ICE1: variants seen among roughly 807,000 people sequenced by gnomAD.
ICE1 encodes the protein little elongation complex subunit 1.
ICE1 carries 64 observed loss-of-function variants against 192.7 expected under a neutral mutation model. The observed-to-expected ratio is 0.33, with a 90% CI of 0.27 to 0.41. ICE1 has a LOEUF of 0.41. Ranked by LOEUF, ICE1 falls within the 10% of genes least tolerant of loss-of-function variation. ICE1 has a pLI of 1.00. For missense variants in ICE1, 2,708 were observed against 2,696.0 expected, an observed-to-expected ratio of 1.00 and a Z score of -0.10; for synonymous variants, 1,010 against 984.5, an observed-to-expected ratio of 1.03 and a Z score of -0.49.
chr5:5,465,996 C>T (rs1417181651), intron 13 of ICE1, among the ~76,000 whole-genome samples: 1 of 152,120 alleles, frequency 6.6e-6, no homozygotes, highest in Non-Finnish European at 1.5e-5. Flanking sequence ...TATACTCACA[C>T]AGATTACATA....
At chr5:5,482,999 GT>G (rs1324422264) in intron 17 of ICE1, among the ~76,000 whole-genome samples, 5 of 151,312 alleles carry the variant, frequency 3.3e-5, no homozygotes, top group African/African-American at 9.7e-5. Flanking sequence ...TTCTTTTTTT[GT>G]TTTTTTTGAG....
intron 4 of ICE1, 22 bp downstream of exon 4, chr5:5,439,935 T>A: frequency 6.6e-7 from 1 of 1,522,928 alleles, no homozygotes; most frequent in Non-Finnish European, 8.9e-7. Flanking sequence ...TGTTTCATAG[T>A]TTATGATACC....
At chr5:5,459,265 GAGC>G (rs1457341486) in intron 12 of ICE1, among the ~76,000 whole-genome samples, 1 of 152,214 alleles carries the variant, frequency 6.6e-6, no homozygotes, top group East Asian at 1.9e-4. Context: ...GAGGTCAAAT[GAGC>G]AGCATTTGGT....
chr5:5,457,192 G>T, intron 11 of ICE1, 140 bp from the exon 12 acceptor site: 1 of 723,058 alleles, frequency 1.4e-6, no homozygotes, highest in Non-Finnish European at 2.1e-6. Context: ...GAAAGCGATT[G>T]GTTGCCTTTT....
chr5:5,434,610 T>C (rs1424084199), intron 1 of ICE1, among the ~76,000 whole-genome samples: 1 of 152,122 alleles, frequency 6.6e-6, no homozygotes, highest in African/African-American at 2.4e-5. Flanking sequence ...AACATAAAGA[T>C]AGTACTCATG....
chr5:5,434,719 CTG>C (rs1167399827), intron 1 of ICE1, among the ~76,000 whole-genome samples: 3 of 152,160 alleles, frequency 2.0e-5, no homozygotes, highest in Non-Finnish European at 4.4e-5. Flanking sequence ...AAAATTATCA[CTG>C]TGTGTGTTTT....
intron 11 of ICE1, among the ~76,000 whole-genome samples, chr5:5,456,232 CT>C (rs920848569): frequency 6.6e-6 from 1 of 152,124 alleles, no homozygotes; most frequent in Non-Finnish European, 1.5e-5. Flanking sequence ...TAAAGTTACT[CT>C]TTTTTTCCTA....
intron 17 of ICE1, among the ~76,000 whole-genome samples, chr5:5,479,369 A>G (rs1247637301): frequency 6.6e-6 from 1 of 152,258 alleles, no homozygotes; most frequent in Non-Finnish European, 1.5e-5. Flanking sequence ...TTATTAGAGA[A>G]ACGCAAATCA....
Position 5,463,633 on chromosome 5 carries a change from G to T in ICE1, c.4299G>T (p.Leu1433Phe). ...CAATCATCAGTGGTGTAGCTGTCTT[G>T]CCACATGTGGACCAGGTCACACTGT... ...NWTIISGVAV[L>F]PHVDQVTLCD... Residue 1433 changes from leucine (L) to phenylalanine (F), a missense_variant, in exon 13 of 19, where the codon TTG becomes TTT. This residue lies in a region of ICE1 where 2,366 missense variants were observed against 2,276.6 expected (regional missense o/e 1.04). Transcript: ENST00000296564. 6.2e-7 allele frequency: 1 copy of T among 1,613,958 alleles called. No homozygotes were observed. Among genetic ancestry groups the T allele is most frequent in the African/African-American group, 1.3e-5 (1 of 75,032 alleles).
At chr5:5,476,836 A>G (rs1171727083) in intron 17 of ICE1, among the ~76,000 whole-genome samples, 1 of 152,200 alleles carries the variant, frequency 6.6e-6, no homozygotes, top group African/African-American at 2.4e-5. Context: ...TATCGAGGAT[A>G]TCTTCACACC....
At position 5,461,112 on chromosome 5, in the gene ICE1, A is replaced by G. The variant is rs554713157; in HGVS notation, c.1778A>G (p.Glu593Gly). 3 of 1,614,026 alleles carry G rather than the reference A, an allele frequency of 1.9e-6. No homozygotes were observed. Among genetic ancestry groups the G allele is most frequent in the South Asian group, 2.2e-5 (2 of 91,090 alleles). ...GHFHRLSREL[E>G]KEKEDTQGFT... ...TTTCACAGACTATCTAGAGAATTGGAAAAGGAAAAAGAAGATACTCAAGGG... is the reference window on the plus strand; with the variant it reads ...TTTCACAGACTATCTAGAGAATTGGGAAAGGAAAAAGAAGATACTCAAGGG... The change falls in exon 13 of 19, where the codon GAA becomes GGA. Residue 593 changes from glutamate (E) to glycine (G), a missense_variant. By Grantham distance (98) the Glu-to-Gly change is moderately conservative. Around this residue, in one of 2 missense-constraint regions of ICE1, gnomAD observed 2,366 missense variants for 2,276.6 expected, o/e 1.04. Transcript: ENST00000296564.
At chr5:5,479,884 G>T (rs1232352183) in intron 17 of ICE1, among the ~76,000 whole-genome samples, 1 of 151,988 alleles carries the variant, frequency 6.6e-6, no homozygotes, top group Non-Finnish European at 1.5e-5. Flanking sequence ...AGTGGGAGTT[G>T]AACAGTGAGA....
At chr5:5,470,851 A>G (rs1739138343) in intron 15 of ICE1, among the ~76,000 whole-genome samples, 1 of 152,230 alleles carries the variant, frequency 6.6e-6, no homozygotes, top group African/African-American at 2.4e-5. Context: ...ATGCAAAGTA[A>G]AATCACAGTC....
At chr5:5,447,601 ATGAGGCCCCC>A in intron 8 of ICE1, 92 bp downstream of exon 8, 2 of 1,358,244 alleles carry the variant, frequency 1.5e-6, no homozygotes, top group East Asian at 5.0e-5. Flanking sequence ...AGGAGTCAAC[ATGAGGCCCCC>A]TGGCAAAAAC....
intron 12 of ICE1, among the ~76,000 whole-genome samples, chr5:5,459,314 A>C (rs1223668400): frequency 1.3e-5 from 2 of 152,202 alleles, no homozygotes; most frequent in Non-Finnish European, 2.9e-5. Context: ...GAGATGGAGG[A>C]GTCAAAGATG....
chr5:5,449,706 G>T (rs1224823599), intron 10 of ICE1, among the ~76,000 whole-genome samples: 1 of 152,176 alleles, frequency 6.6e-6, no homozygotes, highest in East Asian at 1.9e-4. Context: ...TTGATTAAAG[G>T]GTGAAAGGAA....
intron 1 of ICE1, among the ~76,000 whole-genome samples, chr5:5,428,486 T>C (rs754639180): frequency 1.3e-5 from 2 of 152,234 alleles, no homozygotes; most frequent in Non-Finnish European, 2.9e-5. Flanking sequence ...TGAAATAATT[T>C]CAGACTTACA....
At chr5:5,430,565 A>G (rs1425858106) in intron 1 of ICE1, among the ~76,000 whole-genome samples, 1 of 152,132 alleles carries the variant, frequency 6.6e-6, no homozygotes, top group African/African-American at 2.4e-5. Flanking sequence ...CCCCAGCCCC[A>G]CTCATCCCTG....
chr5:5,454,054 C>G (rs1180420964), intron 10 of ICE1, among the ~76,000 whole-genome samples: 1 of 152,146 alleles, frequency 6.6e-6, no homozygotes, highest in Non-Finnish European at 1.5e-5. Flanking sequence ...TCCCTGAACT[C>G]CCCAGGTTAA....
Sources: allele counts gnomAD v4.1 joint callset (sites outside exome capture counted in the v4.1 genomes callset), GRCh38; gene constraint gnomAD v4.1.1; regional missense constraint gnomAD v4.1.1; transcripts MANE v1.5; gene names NCBI Gene and HGNC (gene_info 2026-07-23, HGNC 2026-07-21).